SCG5: variants seen among roughly 807,000 people sequenced by gnomAD.
SCG5 encodes neuroendocrine protein 7B2.
Under a neutral mutation model 25.7 loss-of-function variants are expected in SCG5, and 18 were observed. That is an observed-to-expected ratio of 0.70 (90% CI 0.48 to 1.04). The LOEUF (loss-of-function observed/expected upper bound fraction) is 1.04, where lower values mean the gene tolerates loss of function less well. Among genes scored for constraint, SCG5 ranks in the 50% least tolerant of loss-of-function variants. The pLI is 0.00. For missense variants in SCG5, 206 were observed against 259.8 expected (o/e 0.79, Z 1.42); for synonymous variants, 101 against 91.7 (o/e 1.10, Z -0.58).
At chr15:32,661,123 A>G (rs2054210304) in intron 2 of SCG5, among the ~76,000 whole-genome samples, 2 of 152,200 alleles carry the variant, frequency 1.3e-5, no homozygotes, top group South Asian at 4.1e-4. Flanking sequence ...ATTCTATTTT[A>G]CAAGGGAAAG....
chr15:32,691,739 G>A lies in SCG5; in HGVS notation c.519G>A (p.Lys173=). ...AGAAACTCCTTTACGAGAAGATGAA[G>A]GGAGGAGAGAGACGAAAGCGGAGGG... is the stretch of plus-strand genomic sequence containing the variant. ...WNKKLLYEKM[K]GGERRKRRSV... The change falls in exon 5 of 6, where the codon AAG becomes AAA. Residue 173 remains lysine (K), a synonymous_variant. Coordinates refer to ENST00000300175, the MANE Select transcript of SCG5 (RefSeq NM_001144757.3). 6.2e-7 allele frequency: 1 copy of A among 1,612,096 alleles called. No homozygotes were observed. Among genetic ancestry groups the A allele is most frequent in the South Asian group, 1.1e-5 (1 of 90,558 alleles).
At chr15:32,684,009 G>T (rs984101648) in intron 3 of SCG5, among the ~76,000 whole-genome samples, 1 of 152,238 alleles carries the variant, frequency 6.6e-6, no homozygotes, top group Admixed American at 6.5e-5. Flanking sequence ...TTTCACCCGT[G>T]TGAAGTCCTG....
At chr15:32,668,135 C>T (rs1255901582) in intron 2 of SCG5, among the ~76,000 whole-genome samples, 1 of 152,216 alleles carries the variant, frequency 6.6e-6, no homozygotes, top group Non-Finnish European at 1.5e-5. Context: ...CACGTGCCTT[C>T]TCCTCTCGAG....
At chr15:32,679,955 C>G (rs764203065) in intron 3 of SCG5, 40 bp downstream of exon 3, 3 of 1,545,712 alleles carry the variant, frequency 1.9e-6, no homozygotes, top group Non-Finnish European at 1.8e-6. Flanking sequence ...AAAGTTGGGG[C>G]TTTGGAAGGA....
chr15:32,654,992 A>G (rs914805941), intron 2 of SCG5, among the ~76,000 whole-genome samples: 3 of 152,166 alleles, frequency 2.0e-5, no homozygotes, highest in Admixed American at 6.5e-5. Flanking sequence ...TAGGACTGCA[A>G]TTTCCTGGAA....
At chr15:32,667,061 A>G (rs774493875) in intron 2 of SCG5, among the ~76,000 whole-genome samples, 3 of 152,258 alleles carry the variant, frequency 2.0e-5, no homozygotes, top group African/African-American at 4.8e-5. Context: ...GCAATTCTTT[A>G]TATCAATTAC....
intron 5 of SCG5, among the ~76,000 whole-genome samples, 152 bp from the exon 6 acceptor site, chr15:32,696,362 C>T (rs2054962094): frequency 1.3e-5 from 2 of 152,162 alleles, no homozygotes; most frequent in Admixed American, 1.3e-4. Flanking sequence ...CGTGATCTGC[C>T]CACCTCGGCC....
Position 32,681,801 on chromosome 15 carries a change from A to G in SCG5, c.376+1886A>G, listed in dbSNP as rs527725231. Among the ~76,000 whole-genome samples the G allele has an allele frequency of 4.6e-5, 7 of 152,068 alleles. No homozygotes were observed. In the South Asian group the frequency reaches 1.5e-3, roughly 32 times the overall value. On this transcript the variant is annotated intron_variant, in intron 3 of 5. Coordinates refer to ENST00000300175, the MANE Select transcript of SCG5 (RefSeq NM_001144757.3). Reference sequence around the variant, plus strand: ...AGTCTGACATCAGCTTTTCTTAAACACAATGCAGGCTGTCTCTGAAAGAGA... The same window carrying G: ...AGTCTGACATCAGCTTTTCTTAAACGCAATGCAGGCTGTCTCTGAAAGAGA...
rs759876820 is a variant in SCG5 at position 32,691,718 on chromosome 15, A to T, written c.498A>T (p.Lys166Asn). 6.2e-7 allele frequency: 1 copy of T among 1,607,712 alleles called. No individual in the cohort carries two copies. Among genetic ancestry groups the T allele is most frequent in the East Asian group, 2.2e-5 (1 of 44,762 alleles). ...TTTTCTCCCCATTCTAGAACAAGAA[A>T]CTCCTTTACGAGAAGATGAAGGGAG... Reference protein sequence around the residue: ...DYPGLGKWNKKLLYEKMKGGE... With the variant: ...DYPGLGKWNKNLLYEKMKGGE... The change falls in exon 5 of 6, where the codon AAA (lysine) becomes AAT (asparagine). Residue 166 changes from lysine (K) to asparagine (N), a missense_variant. Coordinates refer to ENST00000300175, the MANE Select transcript of SCG5 (RefSeq NM_001144757.3).
intron 2 of SCG5, among the ~76,000 whole-genome samples, chr15:32,673,609 G>A (rs971052694): frequency 1.8e-4 from 27 of 151,528 alleles, no homozygotes; most frequent in Admixed American, 5.9e-4. Context: ...GGGCCTAGGC[G>A]CACTCTCAAT....
rs540255909 is a variant in SCG5 at position 32,679,681 on chromosome 15, C to T, written c.227-85C>T. The T allele has an allele frequency of 9.8e-6, 14 of 1,432,724 alleles. No individual in the cohort carries two copies. In the African/African-American group the frequency reaches 2.0e-4, roughly 20 times the overall value. The allele number at this position is 1,432,724 out of a possible 1,614,324, so 88.8% of individuals were successfully genotyped here. On this transcript the variant is annotated intron_variant, in intron 2 of 5. Transcript: ENST00000300175. ...TCTCCCCACAGCAGAAGGCACAGGGCTTTTCCTGTGTGATATGCCTGAATA... is the reference window on the plus strand; with the variant it reads ...TCTCCCCACAGCAGAAGGCACAGGGTTTTTCCTGTGTGATATGCCTGAATA...
intron 2 of SCG5, among the ~76,000 whole-genome samples, chr15:32,644,473 T>C (rs957295097): frequency 1.3e-5 from 2 of 152,234 alleles, no homozygotes; most frequent in Non-Finnish European, 2.9e-5. Context: ...AAGACCATTT[T>C]CCCCCTGAAG....
chr15:32,691,565 A>G (rs2054857345), intron 4 of SCG5, 145 bp from the exon 5 acceptor site: 1 of 692,674 alleles, frequency 1.4e-6, no homozygotes, highest in South Asian at 1.9e-5. Flanking sequence ...TCTTTCTGAC[A>G]CGACATTCCT....
At chr15:32,656,331 A>T (rs1336257259) in intron 2 of SCG5, 1 of 152,248 alleles carries the variant, frequency 6.6e-6, no homozygotes, top group Non-Finnish European at 1.5e-5. Flanking sequence ...GGGAAGCCAC[A>T]ATCAACAATT....
Position 32,648,790 on chromosome 15 carries a change from A to G in SCG5, c.226+4972A>G, listed in dbSNP as rs535394909. Among the ~76,000 whole-genome samples the G allele has an allele frequency of 7.1e-3, 1,073 of 151,038 alleles. 11 individuals carry two copies. The highest frequency in any genetic ancestry group is 0.025 in the African/African-American group (1,014 of 41,150). On this transcript the variant is annotated intron_variant, in intron 2 of 5. Coordinates refer to ENST00000300175, the MANE Select transcript of SCG5 (RefSeq NM_001144757.3). ...AGTCTCCTTTTTTTTTTTTAAAAAAAAAACAGAGTCTCACTCTGTCCCCCA... is the reference window on the plus strand; with the variant it reads ...AGTCTCCTTTTTTTTTTTTAAAAAAGAAACAGAGTCTCACTCTGTCCCCCA...
intron 2 of SCG5, among the ~76,000 whole-genome samples, chr15:32,678,765 G>A (rs956788670): frequency 1.3e-5 from 2 of 152,118 alleles, no homozygotes; most frequent in African/African-American, 2.4e-5. Flanking sequence ...AACACTAAAT[G>A]TCTCACAATA....
chr15:32,681,125 C>T (rs903587899), intron 3 of SCG5, among the ~76,000 whole-genome samples: 3 of 152,134 alleles, frequency 2.0e-5, no homozygotes, highest in Non-Finnish European at 4.4e-5. Context: ...AATAATGCAC[C>T]TCTTACCTTG....
intron 5 of SCG5, among the ~76,000 whole-genome samples, chr15:32,694,800 G>A (rs758301578): frequency 2.0e-5 from 3 of 152,180 alleles, no homozygotes; most frequent in Non-Finnish European, 2.9e-5. Context: ...CGATTCATGC[G>A]TTTAGCAGTC....
chr15:32,651,423 G>T (rs1205348121), intron 2 of SCG5, among the ~76,000 whole-genome samples: 1 of 152,224 alleles, frequency 6.6e-6, no homozygotes. Flanking sequence ...CTTTGCCACA[G>T]GGTGGCAACA....
Sources: gnomAD v4.1 joint callset for allele counts (sites outside exome capture counted in the v4.1 genomes callset) on GRCh38, gnomAD v4.1.1 for gene constraint, MANE v1.5 for transcripts, NCBI Gene and HGNC (gene_info 2026-07-23, HGNC 2026-07-21) for gene names.